The following FKBP5 variants were observed in gnomAD, a reference collection of about 807,000 sequenced individuals.
The protein encoded by FKBP5 is FKBP prolyl isomerase 5.
A neutral mutation model predicts 50.5 loss-of-function variants in FKBP5; 23 were observed. The ratio of observed to expected loss-of-function variants is 0.46; its 90% CI spans 0.33 to 0.65. The LOEUF (loss-of-function observed/expected upper bound fraction) is 0.65. FKBP5 is among the 30% of genes least tolerant of loss of function. FKBP5 has a pLI of 0.02. For synonymous variants in FKBP5, 176 were observed against 190.6 expected (o/e 0.92, Z 0.63); for missense variants, 411 against 553.1 (o/e 0.74, Z 2.58).
intron 3 of FKBP5, among the ~76,000 whole-genome samples, chr6:35,635,846 G>C (rs2150986059): frequency 6.6e-6 from 1 of 152,244 alleles, no homozygotes; most frequent in Admixed American, 6.5e-5. Flanking sequence ...ACATAGAGAA[G>C]AAAATCCAAA....
Position 35,633,499 on chromosome 6 carries a change from C to T in FKBP5, c.250+3515G>A, listed in dbSNP as rs1225326816. On this transcript the variant is annotated intron_variant, in intron 3 of 10. Transcript: ENST00000357266. ...CAGACGTTGCAGTGAGCCAAGATCA[C>T]GCCACTGCACTTCAGCTTGGGCTAC... 5.7e-5 allele frequency among the ~76,000 whole-genome samples: 8 copies of T among 140,754 alleles called. 1 individual carries two copies. Among genetic ancestry groups the T allele is most frequent in the South Asian group, 4.5e-4 (2 of 4,486 alleles). The allele number at this position is 140,754 out of a possible 152,430, so 92.3% of individuals were successfully genotyped here.
At chr6:35,696,982 G>T (rs1441747725) in intron 2 of FKBP5, among the ~76,000 whole-genome samples, 1 of 152,178 alleles carries the variant, frequency 6.6e-6, no homozygotes, top group African/African-American at 2.4e-5. Context: ...TGCATTGCTG[G>T]TGGGAATGTA....
Position 35,605,417 on chromosome 6 carries a change from A to G in FKBP5, c.509-8013T>C, listed in dbSNP as rs537423182. On this transcript the variant is annotated intron_variant, in intron 5 of 10. Coordinates refer to ENST00000357266, the MANE Select transcript of FKBP5 (RefSeq NM_004117.4). ...TTTTTTTTTTTTTTTTTTTTTTGAG[A>G]CAAGGTCTTATTCCATTGCCCAGGC... 7.2e-3 allele frequency among the ~76,000 whole-genome samples: 454 copies of G among 62,964 alleles called. 1 individual carries two copies. The highest frequency in any genetic ancestry group is 0.013 in the Middle Eastern group (1 of 78). 41.3% of individuals were successfully genotyped at this position (62,964 alleles called of 152,430 possible). A position where few individuals can be genotyped will look rare whatever the true frequency, so the allele number is the denominator to read the frequency against.
At chr6:35,725,724 G>A (rs963392457) in intron 1 of FKBP5, among the ~76,000 whole-genome samples, 8 of 152,154 alleles carry the variant, frequency 5.3e-5, no homozygotes, top group African/African-American at 1.9e-4. Context: ...AAAGAAGGAA[G>A]TATAAATATA....
At chr6:35,720,498 G>C (rs1766594062) in exon 2 of FKBP5, 1 of 152,406 alleles carries the variant, frequency 6.6e-6, no homozygotes, top group Non-Finnish European at 1.5e-5. Context: ...TCTGCCCAAA[G>C]AGAATGTGAG....
chr6:35,585,869 TA>T, intron 8 of FKBP5: 1 of 985,394 alleles, frequency 1.0e-6, no homozygotes, highest in Non-Finnish European at 1.2e-6. Flanking sequence ...CTGGCTGTGT[TA>T]ATTTTGGGTT....
At chr6:35,668,209 G>A (rs900798269) in intron 1 of FKBP5, among the ~76,000 whole-genome samples, 1 of 152,258 alleles carries the variant, frequency 6.6e-6, no homozygotes, top group African/African-American at 2.4e-5. Flanking sequence ...AGCCCTTTAC[G>A]GTCTGGCCTT....
chr6:35,690,844 T>A (rs1162353085), upstream of FKBP5, among the ~76,000 whole-genome samples: 1 of 151,652 alleles, frequency 6.6e-6, no homozygotes, highest in Non-Finnish European at 1.5e-5. Context: ...CCATCTTTAC[T>A]AAAAATACGA....
intron 3 of FKBP5, among the ~76,000 whole-genome samples, chr6:35,632,603 C>T (rs560597612): frequency 3.3e-5 from 5 of 151,782 alleles, no homozygotes; most frequent in African/African-American, 4.8e-5. Context: ...AAAGATGGTA[C>T]GGCTAGCCAG....
intron 3 of FKBP5, among the ~76,000 whole-genome samples, chr6:35,625,983 G>GT (rs1272213609): frequency 6.6e-6 from 1 of 151,326 alleles, no homozygotes; most frequent in East Asian, 2.0e-4. Context: ...GTTTCATCGT[G>GT]TTAGCCAGGA....
At chr6:35,708,219 T>C (rs998976799) in intron 2 of FKBP5, among the ~76,000 whole-genome samples, 8 of 152,212 alleles carry the variant, frequency 5.3e-5, no homozygotes, top group Non-Finnish European at 1.2e-4. Context: ...ACTTAAGGTC[T>C]GCCAACTGGT....
chr6:35,638,094 T>C (rs908397070), intron 2 of FKBP5, among the ~76,000 whole-genome samples: 6 of 152,200 alleles, frequency 3.9e-5, no homozygotes, highest in Admixed American at 3.3e-4. Flanking sequence ...ATCCAGTGTA[T>C]TTATTTTGTT....
intron 5 of FKBP5, among the ~76,000 whole-genome samples, chr6:35,617,402 C>T (rs768956023): frequency 1.3e-4 from 19 of 151,938 alleles, no homozygotes; most frequent in African/African-American, 2.4e-4. Flanking sequence ...AACCATAGCA[C>T]GCTATAGCCT....
chr6:35,714,981 C>T (rs529864128), intron 2 of FKBP5, among the ~76,000 whole-genome samples: 1 of 151,990 alleles, frequency 6.6e-6, no homozygotes, highest in South Asian at 2.1e-4. Flanking sequence ...GATGTCGGCT[C>T]ACTGCAACCT....
chr6:35,671,812 A>C (rs1765395152), intron 1 of FKBP5, among the ~76,000 whole-genome samples: 2 of 152,220 alleles, frequency 1.3e-5, no homozygotes, highest in African/African-American at 4.8e-5. Context: ...GAAGGGGCTA[A>C]GAGAAACCTA....
At chr6:35,605,091 C>T in intron 5 of FKBP5, among the ~76,000 whole-genome samples, 1 of 152,048 alleles carries the variant, frequency 6.6e-6, no homozygotes, top group Non-Finnish European at 1.5e-5. Flanking sequence ...CCCGTGTTTT[C>T]TTATTTTTTA....
intron 5 of FKBP5, among the ~76,000 whole-genome samples, chr6:35,597,784 C>T (rs1763020246): frequency 6.6e-6 from 1 of 152,152 alleles, no homozygotes; most frequent in Non-Finnish European, 1.5e-5. Context: ...AATATATAAA[C>T]ATCTGTAACT....
intron 7 of FKBP5, among the ~76,000 whole-genome samples, chr6:35,589,118 ATATATATATATTT>A (rs1561846552): frequency 8.0e-6 from 1 of 124,846 alleles, no homozygotes; most frequent in Non-Finnish European, 1.6e-5. Context: ...TTTTATATAT[ATATATATATATTT>A]TTTTTTTTTT....
At chr6:35,597,481 G>T in intron 5 of FKBP5, 77 bp from the exon 6 acceptor site, 1 of 1,476,250 alleles carries the variant, frequency 6.8e-7, no homozygotes, top group Non-Finnish European at 9.1e-7. Context: ...TAAATGAGTG[G>T]TCGACAATGT....
Sources: allele counts gnomAD v4.1 joint callset (sites outside exome capture counted in the v4.1 genomes callset), GRCh38; gene constraint gnomAD v4.1.1; transcripts MANE v1.5; gene names NCBI Gene and HGNC (gene_info 2026-07-23, HGNC 2026-07-21).